The following OR8H2 variants were observed in gnomAD, a reference collection of about 807,000 sequenced individuals.
The protein encoded by OR8H2 is olfactory receptor family 8 subfamily H member 2.
For missense variants in OR8H2, 374 were observed against 371.1 expected, an observed-to-expected ratio of 1.01 and a Z score of -0.06; for synonymous variants, 157 against 139.2, an observed-to-expected ratio of 1.13 and a Z score of -0.90.
chr11:56,104,412 CAA>C (rs1854019084), intron 1 of OR8H2, among the ~76,000 whole-genome samples: 1 of 152,002 alleles, frequency 6.6e-6, no homozygotes, highest in African/African-American at 2.4e-5. Flanking sequence ...GCTCTTTTCT[CAA>C]GTTTTCTGAA....
chr11:56,104,971 C>T lies in OR8H2; in HGVS notation c.-72C>T. The T allele has an allele frequency of 7.6e-7, 1 of 1,319,468 alleles. No individual in the cohort carries two copies. Among genetic ancestry groups the T allele is most frequent in the Non-Finnish European group, 1.1e-6 (1 of 947,108 alleles). 81.7% of individuals were successfully genotyped at this position (1,319,468 alleles called of 1,614,324 possible). A position where few individuals can be genotyped will look rare whatever the true frequency, so the allele number is the denominator to read the frequency against. On this transcript the variant is annotated 5_prime_UTR_variant, in exon 2 of 2. Transcript: ENST00000313503. ...AAGCAATTCTCCTGCCTCAGCTTCT[C>T]CAGTAGCTGGGATTACAGGCGCCCC...
Position 56,105,735 on chromosome 11 carries a change from T to C in OR8H2, c.693T>C (p.Thr231=). 6.2e-7 allele frequency: 1 copy of C among 1,614,052 alleles called. No individual in the cohort carries two copies. The highest frequency in any genetic ancestry group is 1.3e-5 in the African/African-American group (1 of 75,056). Residue 231 remains threonine, a synonymous_variant, in exon 2 of 2, where the codon ACT becomes ACC. Transcript: ENST00000313503. ...TTACCATCCTGAAAATTAATTCCAC[T>C]TCAGGAAAGCAGAAAGCTTTCTCTA... is the stretch of plus-strand genomic sequence containing the variant. The part of the protein sequence containing the change: ...ILFTILKINS[T]SGKQKAFSTC...
rs1312615976 is a variant in OR8H2 at position 56,106,915 on chromosome 11, C to CCCATTT, written c.*935_*940dup. 1 of 151,824 alleles carries CCCATTT rather than the reference C, an allele frequency of 6.6e-6. No homozygotes were observed. The highest frequency in any genetic ancestry group is 2.4e-5 in the African/African-American group (1 of 41,394). 9.4% of individuals were successfully genotyped at this position (151,824 alleles called of 1,614,324 possible). A position where few individuals can be genotyped will look rare whatever the true frequency, so the allele number is the denominator to read the frequency against. ...TTCTTTTCTTTACTTCTCTAATAAA[C>CCCATTT]CCATTTTCAGTTTTAGAAAAACAAA... On this transcript the variant is annotated 3_prime_UTR_variant, in exon 2 of 2. Coordinates refer to ENST00000313503, the MANE Select transcript of OR8H2 (RefSeq NM_001386064.1).
intron 1 of OR8H2, 80 bp from the exon 2 acceptor site, chr11:56,104,792 G>A (rs1854025510): frequency 2.6e-6 from 1 of 391,818 alleles, no homozygotes; most frequent in Admixed American, 4.1e-5. Context: ...ACTTATAGAA[G>A]GCTAAGCTAA....
chr11:56,107,396 G>A lies in OR8H2; in HGVS notation c.*1415G>A, dbSNP rs1380293310. 2 of 151,950 alleles carry A rather than the reference G, an allele frequency of 1.3e-5. No homozygotes were observed. The highest frequency in any genetic ancestry group is 2.9e-5 in the Non-Finnish European group (2 of 67,816). The allele number at this position is 151,950 out of a possible 1,614,324, so 9.4% of individuals were successfully genotyped here. On this transcript the variant is annotated 3_prime_UTR_variant, in exon 2 of 2. Transcript: ENST00000313503. Reference sequence around the variant, plus strand: ...TTAAATTTCTTAATACAGAAAAGTTGTAAAGCAAAGAATTGATAATGAATT... The same window carrying A: ...TTAAATTTCTTAATACAGAAAAGTTATAAAGCAAAGAATTGATAATGAATT...
chr11:56,105,163 C>T lies in OR8H2; in HGVS notation c.121C>T (p.Leu41=). The T allele has an allele frequency of 6.2e-7, 1 of 1,614,176 alleles. No individual in the cohort carries two copies. Among genetic ancestry groups the T allele is most frequent in the Non-Finnish European group, 8.5e-7 (1 of 1,180,038 alleles). Residue 41 remains leucine, a synonymous_variant, in exon 2 of 2, where the codon CTG becomes TTG. Coordinates refer to ENST00000313503, the MANE Select transcript of OR8H2 (RefSeq NM_001386064.1). ...LFLLIYLITM[L]GNVGMILIIR... ...TCTCCTGATATACCTAATTACTATG[C>T]TGGGGAATGTGGGGATGATATTGAT... is the stretch of plus-strand genomic sequence containing the variant.
chr11:56,105,312 C>T lies in OR8H2; in HGVS notation c.270C>T (p.Asn90=), dbSNP rs757967991. The change falls in exon 2 of 2, where the codon AAC becomes AAT. Residue 90 remains asparagine, a synonymous_variant. Coordinates refer to ENST00000313503, the MANE Select transcript of OR8H2 (RefSeq NM_001386064.1). ...CCTTAGCGAACTTACTGACTTCCAACTATATTTCCTTTACGGGCTGCTTTG... is the reference window on the plus strand; with the variant it reads ...CCTTAGCGAACTTACTGACTTCCAATTATATTTCCTTTACGGGCTGCTTTG... The part of the protein sequence containing the change: ...PKTLANLLTS[N]YISFTGCFAQ... 3.7e-6 allele frequency: 6 copies of T among 1,614,202 alleles called. No individual in the cohort carries two copies. The highest frequency in any genetic ancestry group is 4.2e-6 in the Non-Finnish European group (5 of 1,180,044).
At position 56,105,615 on chromosome 11, in the gene OR8H2, T is replaced by C. The variant is rs1354199176; in HGVS notation, c.573T>C (p.Asp191=). ...TSPILALSCT[D]TYNTEILIFI... is the part of the protein sequence containing the mutation. ...CAATTTTAGCTCTGTCCTGCACTGA[T>C]ACATACAACACCGAAATCCTGATAT... The change falls in exon 2 of 2, where the codon GAT becomes GAC. Residue 191 remains aspartate, a synonymous_variant. Transcript: ENST00000313503. 51 of 1,614,072 alleles carry C rather than the reference T, an allele frequency of 3.2e-5. No homozygotes were observed. The highest frequency in any genetic ancestry group is 1.2e-4 in the African/African-American group (9 of 74,942).
rs568028460 is a variant in OR8H2 at position 56,107,471 on chromosome 11, C to T, written c.*1490C>T. 1 of 151,882 alleles carries T rather than the reference C, an allele frequency of 6.6e-6. No individual in the cohort carries two copies. Among genetic ancestry groups the T allele is most frequent in the South Asian group, 2.1e-4 (1 of 4,822 alleles). 9.4% of individuals were successfully genotyped at this position (151,882 alleles called of 1,614,324 possible). ...TTAGTCAGGCAGAGTGCTAAAATGT[C>T]TTTTATTTTTAAATTTTTCTCTTCC... On this transcript the variant is annotated 3_prime_UTR_variant, in exon 2 of 2. Transcript: ENST00000313503.
chr11:56,104,373 G>T (rs1854018451), intron 1 of OR8H2, among the ~76,000 whole-genome samples: 1 of 148,276 alleles, frequency 6.7e-6, no homozygotes, highest in African/African-American at 2.4e-5. Context: ...TAATAAAACG[G>T]TTTCCTGTCA....
rs1554963497 is a variant in OR8H2 at position 56,103,877 on chromosome 11, A to AAT, written c.-282_-281insAT. ...TCAAGTAAAATAAATATTATAAAAA[A>AAT]TTCATTTCCTCAGTTTTCATATTTT... On this transcript the variant is annotated 5_prime_UTR_variant, in exon 1 of 2. Transcript: ENST00000313503. 6.6e-6 allele frequency: 1 copy of AAT among 152,150 alleles called. No individual in the cohort carries two copies. The highest frequency in any genetic ancestry group is 2.4e-5 in the African/African-American group (1 of 41,448). The allele number at this position is 152,150 out of a possible 1,614,324, so 9.4% of individuals were successfully genotyped here.
intron 1 of OR8H2, 34 bp from the exon 2 acceptor site, chr11:56,104,838 T>C: frequency 2.7e-6 from 1 of 374,668 alleles, no homozygotes; most frequent in Admixed American, 4.4e-5. Flanking sequence ...AAACAGAAAG[T>C]TTTTTTTTGT....
intron 1 of OR8H2, 126 bp downstream of exon 1, chr11:56,104,113 T>C (rs1166152326): frequency 6.6e-6 from 1 of 152,066 alleles, no homozygotes; most frequent in Non-Finnish European, 1.5e-5. Context: ...CCCTAAGTAA[T>C]GTCAAGGTTT....
At position 56,107,637 on chromosome 11, in the gene OR8H2, C is replaced by G. The variant is rs1463318420; in HGVS notation, c.*1656C>G. ...TTCATTCAAGCAATACTTTTTTAAT[C>G]TTGTGAAATTTGTTATCTTCGTACA... On this transcript the variant is annotated 3_prime_UTR_variant, in exon 2 of 2. Transcript: ENST00000313503. The G allele has an allele frequency of 6.6e-6, 1 of 151,650 alleles. No individual in the cohort carries two copies. The highest frequency in any genetic ancestry group is 1.9e-4 in the East Asian group (1 of 5,174). 9.4% of individuals were successfully genotyped at this position (151,650 alleles called of 1,614,324 possible).
Position 56,106,057 on chromosome 11 carries a change from A to G in OR8H2, c.*76A>G. 1.1e-6 allele frequency: 1 copy of G among 926,230 alleles called. No individual in the cohort carries two copies. Among genetic ancestry groups the G allele is most frequent in the Non-Finnish European group, 1.6e-6 (1 of 608,368 alleles). 57.4% of individuals were successfully genotyped at this position (926,230 alleles called of 1,614,324 possible). Reference sequence around the variant, plus strand: ...TGTTGGGTATTTTCTTAGTCTCTCTATAAAAACAATTGAATCTTTTAATTT... The same window carrying G: ...TGTTGGGTATTTTCTTAGTCTCTCTGTAAAAACAATTGAATCTTTTAATTT... On this transcript the variant is annotated 3_prime_UTR_variant, in exon 2 of 2. Coordinates refer to ENST00000313503, the MANE Select transcript of OR8H2 (RefSeq NM_001386064.1).
rs1261457320 is a variant in OR8H2 at position 56,104,758 on chromosome 11, T to C, written c.-171-114T>C. 4 of 318,546 alleles carry C rather than the reference T, an allele frequency of 1.3e-5. No homozygotes were observed. In the Admixed American group the frequency reaches 1.8e-4, roughly 14 times the overall value. 19.7% of individuals were successfully genotyped at this position (318,546 alleles called of 1,614,324 possible). A position where few individuals can be genotyped will look rare whatever the true frequency, so the allele number is the denominator to read the frequency against. ...TTGGCAATAAAATTAGTTTCTTTAG[T>C]CATATTCTATAAATTTATTAGCAAC... is the stretch of plus-strand genomic sequence containing the variant. On this transcript the variant is annotated intron_variant, in intron 1 of 1. Coordinates refer to ENST00000313503, the MANE Select transcript of OR8H2 (RefSeq NM_001386064.1).
intron 1 of OR8H2, among the ~76,000 whole-genome samples, chr11:56,104,338 G>A (rs1158818556): frequency 6.6e-6 from 1 of 151,950 alleles, no homozygotes; most frequent in Admixed American, 6.6e-5. Flanking sequence ...AAATAATATT[G>A]GAAACAAAAG....
rs1181096316 is a variant in OR8H2 at position 56,103,988 on chromosome 11, G to A, written c.-172+1G>A. The A allele has an allele frequency of 6.6e-6, 1 of 151,858 alleles. No homozygotes were observed. The highest frequency in any genetic ancestry group is 1.5e-5 in the Non-Finnish European group (1 of 67,890). The allele number at this position is 151,858 out of a possible 1,614,324, so 9.4% of individuals were successfully genotyped here. ...TTTAATGAATGTTGACTCACACACA[G>A]TAAGTATTATTCTCAAAATTGGAAG... is the stretch of plus-strand genomic sequence containing the variant. On this transcript the variant is annotated splice_donor_variant, in intron 1 of 1. Coordinates refer to ENST00000313503, the MANE Select transcript of OR8H2 (RefSeq NM_001386064.1). LOFTEE classifies it low-confidence loss of function (5UTR_SPLICE).
Position 56,105,339 on chromosome 11 carries a change from C to A in OR8H2, c.297C>A (p.Ala99=), listed in dbSNP as rs201869777. ...ATATTTCCTTTACGGGCTGCTTTGC[C>A]CAGATGTTCTTTTTTGCCTTCTTGG... The part of the protein sequence containing the change: ...SNYISFTGCF[A]QMFFFAFLGT... Residue 99 remains alanine, a synonymous_variant, in exon 2 of 2, where the codon GCC becomes GCA. Transcript: ENST00000313503. 3.1e-6 allele frequency: 5 copies of A among 1,614,180 alleles called. No individual in the cohort carries two copies. The highest frequency in any genetic ancestry group is 1.3e-5 in the African/African-American group (1 of 75,048).
Sources: gnomAD v4.1 joint callset for allele counts (sites outside exome capture counted in the v4.1 genomes callset) on GRCh38, gnomAD v4.1.1 for gene constraint, MANE v1.5 for transcripts, NCBI Gene and HGNC (gene_info 2026-07-23, HGNC 2026-07-21) for gene names.